The following CTNNA2 variants were observed in gnomAD, a reference collection of about 807,000 sequenced individuals.
CTNNA2 encodes the protein catenin alpha 2.
In CTNNA2, 42 loss-of-function variants were observed where a neutral mutation model predicts 101.0. The observed-to-expected ratio is 0.42, with a 90% CI of 0.32 to 0.54. The LOEUF is 0.54. Among genes scored for constraint, CTNNA2 ranks in the 20% least tolerant of loss-of-function variants. The probability of loss-of-function intolerance (pLI) is 0.14; values close to 1 mark genes in which losing one functional copy is unlikely to be tolerated. For synonymous variants in CTNNA2, 450 were observed against 456.4 expected (o/e 0.99, Z 0.18); for missense variants, 871 against 1,223.1 (o/e 0.71, Z 4.29).
intron 4 of CTNNA2, among the ~76,000 whole-genome samples, chr2:79,468,401 G>A (rs1427799682): frequency 6.6e-6 from 1 of 152,088 alleles, no homozygotes; most frequent in African/African-American, 2.4e-5. Context: ...GACCAACAAA[G>A]AGACTTAGAC....
At chr2:80,369,425 G>T (rs939253718) in intron 7 of CTNNA2, among the ~76,000 whole-genome samples, 2 of 152,044 alleles carry the variant, frequency 1.3e-5, no homozygotes, top group Non-Finnish European at 2.9e-5. Flanking sequence ...GCTCACCCAA[G>T]CATGCAAGAA....
chr2:79,907,613 C>T (rs937146557), intron 6 of CTNNA2, among the ~76,000 whole-genome samples: 1 of 152,146 alleles, frequency 6.6e-6, no homozygotes, highest in Admixed American at 6.6e-5. Flanking sequence ...AACAGCTGTG[C>T]CTAAAACCAA....
chr2:79,682,966 G>A lies in CTNNA2; in HGVS notation c.102+31308G>A, dbSNP rs532145197. 5.8e-4 allele frequency among the ~76,000 whole-genome samples: 89 copies of A among 152,306 alleles called. 2 individuals are homozygous for A. In the South Asian group the frequency reaches 0.018, roughly 31 times the overall value. ...ATTTTCAGAAGAAGTTGTAGGAATA[G>A]TATAAATGGCATTTATTAAAACACG... On this transcript the variant is annotated intron_variant, in intron 2 of 18. Transcript: ENST00000402739.
chr2:79,950,017 C>G (rs901830406), intron 7 of CTNNA2, among the ~76,000 whole-genome samples: 4 of 151,288 alleles, frequency 2.6e-5, no homozygotes, highest in African/African-American at 9.7e-5. Flanking sequence ...TGAAAATGTA[C>G]ATGGAAAAGA....
At chr2:80,387,889 A>T (rs1456142411) in intron 7 of CTNNA2, among the ~76,000 whole-genome samples, 1 of 152,220 alleles carries the variant, frequency 6.6e-6, no homozygotes, top group East Asian at 1.9e-4. Flanking sequence ...GCAACTAGGG[A>T]AGGTGCCCAC....
At chr2:79,828,648 T>C (rs1678629117) in intron 3 of CTNNA2, among the ~76,000 whole-genome samples, 1 of 152,202 alleles carries the variant, frequency 6.6e-6, no homozygotes. Context: ...TTGGACTAAG[T>C]GTTTACTGAA....
chr2:80,280,360 G>A (rs912509980), intron 7 of CTNNA2, among the ~76,000 whole-genome samples: 1 of 151,326 alleles, frequency 6.6e-6, no homozygotes, highest in African/African-American at 2.4e-5. Flanking sequence ...CAACCCATAA[G>A]TTGGTCTATA....
chr2:80,112,625 AC>A (rs1701289654), intron 7 of CTNNA2, among the ~76,000 whole-genome samples: 1 of 151,998 alleles, frequency 6.6e-6, no homozygotes, highest in African/African-American at 2.4e-5. Flanking sequence ...TGATTTTGTG[AC>A]CCTTTGAATG....
chr2:79,599,482 CCCTAAGATTCT>C (rs1677412166), intron 1 of CTNNA2, among the ~76,000 whole-genome samples: 1 of 151,880 alleles, frequency 6.6e-6, no homozygotes. Flanking sequence ...TTATAGATTA[CCCTAAGATTCT>C]CTGTGGCCTA....
chr2:80,630,628 T>C (rs1270408350), intron 18 of CTNNA2, among the ~76,000 whole-genome samples: 3 of 152,080 alleles, frequency 2.0e-5, no homozygotes, highest in Non-Finnish European at 4.4e-5. Flanking sequence ...GGAGCAAGAC[T>C]CCGTCTCAAA....
chr2:79,874,417 G>C, intron 6 of CTNNA2, 75 bp downstream of exon 6: 620 of 1,428,168 alleles, frequency 4.3e-4, no homozygotes, highest in Non-Finnish European at 5.3e-4. Context: ...TGAGGATGAA[G>C]GGCCACTACA....
intron 9 of CTNNA2, among the ~76,000 whole-genome samples, chr2:80,478,554 G>A (rs764100020): frequency 6.6e-6 from 1 of 152,072 alleles, no homozygotes; most frequent in South Asian, 2.1e-4. Flanking sequence ...CACATCTTGA[G>A]TTAATTTTTG....
chr2:79,476,193 C>G (rs984154337), intron 4 of CTNNA2, among the ~76,000 whole-genome samples: 6 of 152,152 alleles, frequency 3.9e-5, no homozygotes, highest in Admixed American at 3.9e-4. Flanking sequence ...AGTTATCACA[C>G]AGGGCACCAG....
intron 7 of CTNNA2, among the ~76,000 whole-genome samples, chr2:80,051,024 C>T (rs1049618295): frequency 4.6e-5 from 7 of 152,136 alleles, no homozygotes; most frequent in African/African-American, 1.7e-4. Context: ...TGACACCTAG[C>T]CGAGACTTCT....
chr2:80,483,867 G>C (rs1410012898), intron 9 of CTNNA2, among the ~76,000 whole-genome samples: 1 of 152,038 alleles, frequency 6.6e-6, no homozygotes, highest in Non-Finnish European at 1.5e-5. Context: ...ACCTGTGCAG[G>C]GCTGTACAGT....
intron 7 of CTNNA2, among the ~76,000 whole-genome samples, chr2:80,270,377 C>T (rs1171751601): frequency 1.3e-5 from 2 of 152,122 alleles, no homozygotes; most frequent in Non-Finnish European, 2.9e-5. Flanking sequence ...TCTTGATGTA[C>T]TAAAAGGCTT....
chr2:79,836,309 A>G (rs1259719964), intron 3 of CTNNA2, among the ~76,000 whole-genome samples: 3 of 152,160 alleles, frequency 2.0e-5, no homozygotes, highest in African/African-American at 7.2e-5. Context: ...CTAAACTTTT[A>G]CTTTGAGTGT....
intron 7 of CTNNA2, among the ~76,000 whole-genome samples, chr2:80,117,455 A>AGTGTGTGTGTGT (rs59521287): frequency 0.08 from 11,727 of 145,836 alleles, 474 homozygotes; most frequent in Non-Finnish European, 0.084. Flanking sequence ...TTCCTGTGTG[A>AGTGTGTGTGTGT]GTGTGTGTGT....
intron 3 of CTNNA2, among the ~76,000 whole-genome samples, chr2:79,806,668 C>T (rs957558778): frequency 6.6e-6 from 1 of 152,016 alleles, no homozygotes; most frequent in African/African-American, 2.4e-5. Flanking sequence ...CCACGTTTGC[C>T]TCTGGCTTTG....
Sources: allele counts gnomAD v4.1 joint callset (sites outside exome capture counted in the v4.1 genomes callset), GRCh38; gene constraint gnomAD v4.1.1; transcripts MANE v1.5; gene names NCBI Gene and HGNC (gene_info 2026-07-23, HGNC 2026-07-21).